Variants in MYZAP observed in about 807,000 individuals in gnomAD.
MYZAP encodes the protein GRINL1A complex locus upstream.
In MYZAP, 66 loss-of-function variants were observed where a neutral mutation model predicts 69.4. The observed-to-expected ratio is 0.95, with a 90% CI of 0.78 to 1.17. MYZAP has a LOEUF of 1.17. Ranked by LOEUF, MYZAP falls within the 50% of genes most tolerant of loss-of-function variation. The pLI is 0.00. For missense variants in MYZAP, 611 were observed against 556.2 expected, an observed-to-expected ratio of 1.10 and a Z score of -0.99; for synonymous variants, 256 against 205.9, an observed-to-expected ratio of 1.24 and a Z score of -2.09.
rs1308250893 is a variant in MYZAP, at chr15:57,684,813, T to C, written c.*315T>C. 1 of 205,808 alleles carries C rather than the reference T, an allele frequency of 4.9e-6. No individual in the cohort carries two copies. Among genetic ancestry groups the C allele is most frequent in the Non-Finnish European group, 9.7e-6 (1 of 103,458 alleles). The allele number at this position is 205,808 out of a possible 1,614,324, so 12.7% of individuals were successfully genotyped here. A position where few individuals can be genotyped will look rare whatever the true frequency, so the allele number is the denominator to read the frequency against. On this transcript the variant is annotated 3_prime_UTR_variant, in exon 13 of 13. Coordinates refer to ENST00000267853, the MANE Select transcript of MYZAP (RefSeq NM_001018100.5). The stretch of plus-strand genomic sequence containing the variant: ...TCACAATGTATTTTATTTGCTAGAC[T>C]TTGGTTGGGAGGGAAAAGGACATTA...
intron 3 of MYZAP, 74 bp downstream of exon 3, chr15:57,618,262 T>G: frequency 1.3e-6 from 2 of 1,544,702 alleles, no homozygotes; most frequent in Middle Eastern, 1.7e-4. Context: ...GTTGGAAGCA[T>G]TGAAGTGAAT....
chr15:57,646,880 CT>C, intron 10 of MYZAP: 1 of 985,448 alleles, frequency 1.0e-6, no homozygotes, highest in Non-Finnish European at 1.2e-6. Context: ...ATATGTTGAA[CT>C]GAAACATCCT....
intron 5 of MYZAP, among the ~76,000 whole-genome samples, chr15:57,628,643 C>A (rs2036302772): frequency 6.6e-6 from 1 of 152,166 alleles, no homozygotes; most frequent in Non-Finnish European, 1.5e-5. Flanking sequence ...GTCTGCATTA[C>A]CAAATTCTGT....
intron 7 of MYZAP, 118 bp from the exon 8 acceptor site, chr15:57,633,495 G>A (rs1464134756): frequency 3.1e-5 from 42 of 1,365,392 alleles, no homozygotes; most frequent in Non-Finnish European, 3.5e-5. Flanking sequence ...ACACTTTCAG[G>A]TTCCAAGGTC....
intron 10 of MYZAP, among the ~76,000 whole-genome samples, chr15:57,659,654 C>G (rs2038182234): frequency 6.6e-6 from 1 of 152,142 alleles, no homozygotes; most frequent in South Asian, 2.1e-4. Flanking sequence ...AATATTGAGT[C>G]AAATTACTGT....
At chr15:57,621,739 TG>T (rs1296594366) in intron 4 of MYZAP, 39 bp downstream of exon 4, 7 of 1,607,704 alleles carry the variant, frequency 4.4e-6, no homozygotes, top group Non-Finnish European at 6.0e-6. Flanking sequence ...TAGGGAGGCA[TG>T]GCAGGCTCAG....
At chr15:57,615,839 A>G (rs1024731850) in intron 2 of MYZAP, among the ~76,000 whole-genome samples, 4 of 152,180 alleles carry the variant, frequency 2.6e-5, no homozygotes, top group African/African-American at 9.7e-5. Context: ...TTTACCAGAA[A>G]CAAGTACAAG....
At chr15:57,657,709 C>T (rs1028090544) in intron 10 of MYZAP, among the ~76,000 whole-genome samples, 1 of 152,082 alleles carries the variant, frequency 6.6e-6, no homozygotes, top group Admixed American at 6.5e-5. Flanking sequence ...GGAGCAAGAA[C>T]ATCTTTATAT....
chr15:57,595,190 A>G (rs1282597624), intron 1 of MYZAP, among the ~76,000 whole-genome samples: 1 of 152,120 alleles, frequency 6.6e-6, no homozygotes, highest in African/African-American at 2.4e-5. Flanking sequence ...ATCACCTCTC[A>G]AGGAAAAAAA....
intron 10 of MYZAP, among the ~76,000 whole-genome samples, chr15:57,658,732 G>C (rs1247856604): frequency 1.3e-5 from 2 of 152,088 alleles, no homozygotes; most frequent in African/African-American, 4.8e-5. Flanking sequence ...TTCCACCTTG[G>C]GTGATGCCAA....
intron 11 of MYZAP, among the ~76,000 whole-genome samples, chr15:57,664,198 C>T (rs2038457067): frequency 1.3e-5 from 2 of 151,892 alleles, no homozygotes; most frequent in African/African-American, 2.4e-5. Flanking sequence ...AGAAAGGATA[C>T]CTTCTCTAAA....
At chr15:57,618,893 G>A (rs1370214670) in intron 3 of MYZAP, among the ~76,000 whole-genome samples, 2 of 152,182 alleles carry the variant, frequency 1.3e-5, no homozygotes, top group Admixed American at 6.5e-5. Flanking sequence ...GGCCTGCTCT[G>A]ACACTGATGG....
Position 57,647,828 on chromosome 15 carries a change from G to C in MYZAP, c.1119+8283G>C, listed in dbSNP as rs2037519811. The C allele has an allele frequency of 2.3e-5, 23 of 985,264 alleles. No homozygotes were observed. The South Asian group carries it at 6.6e-4, about 28-fold the overall frequency. The allele number at this position is 985,264 out of a possible 1,614,324, so 61.0% of individuals were successfully genotyped here. Reference sequence around the variant, plus strand: ...GACCTACCTCAGCCTGCTCTTGTCTGCCTTTGCTGATGCCCCTCAATTCAC... The same window carrying C: ...GACCTACCTCAGCCTGCTCTTGTCTCCCTTTGCTGATGCCCCTCAATTCAC... On this transcript the variant is annotated intron_variant, in intron 10 of 12. Transcript: ENST00000267853.
intron 10 of MYZAP, chr15:57,647,015 A>T (rs1317097399): frequency 2.0e-6 from 2 of 985,326 alleles, no homozygotes; most frequent in African/African-American, 3.5e-5. Flanking sequence ...AATGGGTGGC[A>T]TGAGTCTACA....
At chr15:57,640,854 C>A (rs1302724489) in intron 10 of MYZAP, among the ~76,000 whole-genome samples, 1 of 152,216 alleles carries the variant, frequency 6.6e-6, no homozygotes, top group South Asian at 2.1e-4. Flanking sequence ...TCTTTGCAAT[C>A]GTTTTGTGCA....
chr15:57,676,596 T>TTTTTGTATTTTGTA (rs1380907770), intron 12 of MYZAP, among the ~76,000 whole-genome samples: 1 of 151,958 alleles, frequency 6.6e-6, no homozygotes, highest in African/African-American at 2.4e-5. Flanking sequence ...GTTTCCCCCC[T>TTTTTGTATTTTGTA]TTTTGTATTT....
intron 11 of MYZAP, among the ~76,000 whole-genome samples, chr15:57,663,189 G>T (rs1483767486): frequency 6.6e-6 from 1 of 152,124 alleles, no homozygotes; most frequent in Non-Finnish European, 1.5e-5. Flanking sequence ...GAGGCAGAAG[G>T]TCCCCCAAGA....
In MYZAP at chr15:57,684,381, C is replaced by G. The variant is rs761744889; in HGVS notation, c.1305-21C>G. The G allele has an allele frequency of 5.1e-6, 8 of 1,566,244 alleles. No individual in the cohort carries two copies. The Admixed American group carries it at 1.2e-4, about 23-fold the overall frequency. On this transcript the variant is annotated intron_variant, in intron 12 of 12. Coordinates refer to ENST00000267853, the MANE Select transcript of MYZAP (RefSeq NM_001018100.5). ...TTTTGTTTTGTTTCATTTTCCTGAC[C>G]TGCATTTTCTCATTTCTCAGCCAAA... is the stretch of plus-strand genomic sequence containing the variant.
chr15:57,618,597 A>C (rs1167530008), intron 3 of MYZAP, among the ~76,000 whole-genome samples: 1 of 152,232 alleles, frequency 6.6e-6, no homozygotes, highest in African/African-American at 2.4e-5. Context: ...CAACCACAAT[A>C]GACTTTGTCC....
Sources: gnomAD v4.1 joint callset for allele counts (sites outside exome capture counted in the v4.1 genomes callset) on GRCh38, gnomAD v4.1.1 for gene constraint, MANE v1.5 for transcripts, NCBI Gene and HGNC (gene_info 2026-07-23, HGNC 2026-07-21) for gene names.